KCNJ5: variants seen among roughly 807,000 people sequenced by gnomAD.
KCNJ5 encodes the protein potassium inwardly rectifying channel subfamily J member 5.
KCNJ5 carries 12 observed loss-of-function variants against 20.2 expected under a neutral mutation model. That is an observed-to-expected ratio of 0.59 (90% CI 0.38 to 0.96). KCNJ5 has a LOEUF of 0.96. Among genes scored for constraint, KCNJ5 ranks in the 40% least tolerant of loss-of-function variants. The pLI, the probability that KCNJ5 is intolerant of heterozygous loss-of-function variation, is 0.00. For synonymous variants in KCNJ5, 210 were observed against 213.9 expected (o/e 0.98, Z 0.16); for missense variants, 449 against 557.6 (o/e 0.81, Z 1.96).
Position 128,902,545 on chromosome 11 carries a change from A to G in KCNJ5, c.-10-8719A>G, listed in dbSNP as rs754456252. 6 of 1,590,204 alleles carry G rather than the reference A, an allele frequency of 3.8e-6. No homozygotes were observed. In the East Asian group the frequency reaches 1.1e-4, roughly 30 times the overall value. The stretch of plus-strand genomic sequence containing the variant: ...GGCTGGGGAGCACAGGGCTATTGGC[A>G]AGGAGACAGGGCTAGTTAGGACCAC... On this transcript the variant is annotated intron_variant, in intron 1 of 2. Coordinates refer to ENST00000529694, the MANE Select transcript of KCNJ5 (RefSeq NM_000890.5).
At position 128,916,663 on chromosome 11, in the gene KCNJ5, G is replaced by A. The variant is rs1305786495; in HGVS notation, c.1192G>A (p.Ala398Thr). The change falls in exon 3 of 3, where the codon GCT becomes ACT. Residue 398 changes from alanine to threonine, a missense_variant. Ala to Thr is a moderately conservative substitution (Grantham distance 58). This residue lies in a region of KCNJ5 where 64 missense variants were observed against 51.3 expected (regional missense o/e 1.25). Coordinates refer to ENST00000529694, the MANE Select transcript of KCNJ5 (RefSeq NM_000890.5). ...TGCTGAGGCAGGGCTGGATGCAGAG[G>A]CTGAGCAGAATGAAGAAGATGAGCC... Reference protein sequence around the residue: ...GCAEAGLDAEAEQNEEDEPKG... With the variant: ...GCAEAGLDAETEQNEEDEPKG... The A allele has an allele frequency of 1.9e-6, 3 of 1,612,642 alleles. No homozygotes were observed. The highest frequency in any genetic ancestry group is 2.5e-6 in the Non-Finnish European group (3 of 1,179,526).
intron 1 of KCNJ5, among the ~76,000 whole-genome samples, chr11:128,892,033 G>C (rs1944100280): frequency 6.6e-6 from 1 of 152,242 alleles, no homozygotes; most frequent in South Asian, 2.1e-4. Context: ...GTGGCCAGGA[G>C]TGGGTGGGGT....
chr11:128,906,740 A>G (rs1223702930), intron 1 of KCNJ5, among the ~76,000 whole-genome samples: 2 of 152,208 alleles, frequency 1.3e-5, no homozygotes, highest in Non-Finnish European at 2.9e-5. Flanking sequence ...TACTTCGGGA[A>G]AAGCCCAATC....
chr11:128,912,011 G>T lies in KCNJ5; in HGVS notation c.738G>T (p.Glu246Asp), dbSNP rs372736753. 1.2e-6 allele frequency: 2 copies of T among 1,610,826 alleles called. No homozygotes were observed. The highest frequency in any genetic ancestry group is 1.7e-6 in the Non-Finnish European group (2 of 1,177,400). Reference protein sequence around the residue: ...AKLIKSRQTKEGEFIPLNQTD... With the variant: ...AKLIKSRQTKDGEFIPLNQTD... ...TCATCAAGTCCCGGCAGACCAAAGA[G>T]GGGGAGTTCATCCCCCTGAACCAGA... is the stretch of plus-strand genomic sequence containing the variant. Residue 246 changes from glutamate (E) to aspartate (D), a missense_variant, in exon 2 of 3, where the codon GAG (glutamate) becomes GAT (aspartate). This residue lies in a region of KCNJ5 where 145 missense variants were observed against 166.2 expected (regional missense o/e 0.87). Transcript: ENST00000529694.
chr11:128,916,495 G>A lies in KCNJ5; in HGVS notation c.1024G>A (p.Gly342Ser). 6.2e-7 allele frequency: 1 copy of A among 1,614,160 alleles called. No homozygotes were observed. The highest frequency in any genetic ancestry group is 8.5e-7 in the Non-Finnish European group (1 of 1,180,020). Residue 342 changes from glycine (G) to serine (S), a missense_variant, in exon 3 of 3, where the codon GGC becomes AGC. By Grantham distance (56) the Gly-to-Ser change is moderately conservative. Transcript: ENST00000529694. ...RFTPVLTLEK[G>S]FYEVDYNTFH... Reference sequence around the variant, plus strand: ...CACACCAGTCCTCACCTTGGAAAAGGGCTTCTATGAGGTGGACTACAACAC... The same window carrying A: ...CACACCAGTCCTCACCTTGGAAAAGAGCTTCTATGAGGTGGACTACAACAC...
intron 2 of KCNJ5, 121 bp downstream of exon 2, chr11:128,912,331 T>C: frequency 2.5e-6 from 2 of 796,264 alleles, no homozygotes; most frequent in Non-Finnish European, 4.4e-6. Context: ...AGGCAACACA[T>C]TCAATCCCTA....
chr11:128,912,236 A>T, intron 2 of KCNJ5, 26 bp downstream of exon 2: 1 of 1,570,936 alleles, frequency 6.4e-7, no homozygotes, highest in Admixed American at 1.7e-5. Context: ...CTCCTCAGCC[A>T]CAGGTGGCCC....
chr11:128,901,727 C>A (rs1389967130), intron 1 of KCNJ5: 10 of 152,438 alleles, frequency 6.6e-5, no homozygotes, highest in African/African-American at 2.4e-4. Flanking sequence ...ACAGGATGTA[C>A]TGAGAAGGGG....
intron 1 of KCNJ5, among the ~76,000 whole-genome samples, chr11:128,906,505 T>C (rs374322932): frequency 3.5e-4 from 53 of 152,238 alleles, no homozygotes; most frequent in African/African-American, 1.2e-3. Context: ...AGGCCAGCAT[T>C]CTCATGTGGA....
At chr11:128,893,848 A>G (rs1202111087) in intron 1 of KCNJ5, among the ~76,000 whole-genome samples, 1 of 152,164 alleles carries the variant, frequency 6.6e-6, no homozygotes, top group East Asian at 1.9e-4. Context: ...TGAGCAGTGC[A>G]GAGCTCTTTG....
At chr11:128,901,523 G>T (rs576817965) in intron 1 of KCNJ5, 1 of 152,270 alleles carries the variant, frequency 6.6e-6, no homozygotes, top group Non-Finnish European at 1.5e-5. Context: ...TGGAGAATGC[G>T]GCACAGACAG....
At position 128,916,885 on chromosome 11, in the gene KCNJ5, A is replaced by C. The variant is rs1944592756; in HGVS notation, c.*154A>C. ...GAGGAACCATAAACCCAGCCCTCACAGCTCCCAGCACAGGGCCTCCCTGAG... is the reference window on the plus strand; with the variant it reads ...GAGGAACCATAAACCCAGCCCTCACCGCTCCCAGCACAGGGCCTCCCTGAG... On this transcript the variant is annotated 3_prime_UTR_variant, in exon 3 of 3. Coordinates refer to ENST00000529694, the MANE Select transcript of KCNJ5 (RefSeq NM_000890.5). 1.5e-6 allele frequency: 1 copy of C among 645,404 alleles called. No homozygotes were observed. The highest frequency in any genetic ancestry group is 2.8e-5 in the East Asian group (1 of 36,316). 40.0% of individuals were successfully genotyped at this position (645,404 alleles called of 1,614,324 possible). A position where few individuals can be genotyped will look rare whatever the true frequency, so the allele number is the denominator to read the frequency against.
intron 2 of KCNJ5, among the ~76,000 whole-genome samples, 177 bp downstream of exon 2, chr11:128,912,387 A>G (rs1005307839): frequency 1.3e-5 from 2 of 152,242 alleles, no homozygotes; most frequent in Non-Finnish European, 2.9e-5. Context: ...AGTAATAGCA[A>G]TAGCTAACAC....
chr11:128,912,308 C>T (rs901199996), intron 2 of KCNJ5, 98 bp downstream of exon 2: 3 of 983,674 alleles, frequency 3.0e-6, no homozygotes, highest in Non-Finnish European at 1.6e-6. Context: ...GCCTGAGAGT[C>T]CTGGGGTGGC....
intron 1 of KCNJ5, among the ~76,000 whole-genome samples, chr11:128,895,856 C>G (rs995582843): frequency 4.6e-5 from 7 of 152,204 alleles, no homozygotes; most frequent in African/African-American, 1.7e-4. Context: ...GCTTGAGAAA[C>G]AGGTTTGCTG....
chr11:128,916,470 C>T lies in KCNJ5; in HGVS notation c.999C>T (p.Phe333=). ...MDTEVLWGHR[F]TPVLTLEKGF... Reference sequence around the variant, plus strand: ...CAGAGGTGCTCTGGGGCCACCGATTCACACCAGTCCTCACCTTGGAAAAGG... The same window carrying T: ...CAGAGGTGCTCTGGGGCCACCGATTTACACCAGTCCTCACCTTGGAAAAGG... Residue 333 remains phenylalanine (F), a synonymous_variant, in exon 3 of 3, where the codon TTC becomes TTT. Transcript: ENST00000529694. 3 of 1,614,220 alleles carry T rather than the reference C, an allele frequency of 1.9e-6. No homozygotes were observed. The highest frequency in any genetic ancestry group is 2.5e-6 in the Non-Finnish European group (3 of 1,180,020).
chr11:128,896,392 CAGG>C (rs2135982879), intron 1 of KCNJ5, among the ~76,000 whole-genome samples: 1 of 152,268 alleles, frequency 6.6e-6, no homozygotes, highest in African/African-American at 2.4e-5. Flanking sequence ...TTTCCATCAC[CAGG>C]AGGACCTCTT....
At chr11:128,901,637 C>T (rs920859798) in intron 1 of KCNJ5, 4 of 152,310 alleles carry the variant, frequency 2.6e-5, no homozygotes, top group African/African-American at 9.6e-5. Flanking sequence ...TCCTCGTCAA[C>T]ACCCTGACTG....
In KCNJ5 at chr11:128,891,433, CACACACACAGAGAGAG is replaced by C. The variant is rs1487064551; in HGVS notation, c.-297_-282del. ...ACACACACACACACACACACACACA[CACACACACAGAGAGAG>C]AGAGAGAGAGAGAGAGAGAGAGAGA... On this transcript the variant is annotated 5_prime_UTR_variant, in exon 1 of 3. Coordinates refer to ENST00000529694, the MANE Select transcript of KCNJ5 (RefSeq NM_000890.5). The C allele has an allele frequency of 1.2e-4, 11 of 88,396 alleles. No homozygotes were observed. The highest frequency in any genetic ancestry group is 5.4e-4 in the African/African-American group (11 of 20,480). 5.5% of individuals were successfully genotyped at this position (88,396 alleles called of 1,614,324 possible).
Sources: gnomAD v4.1 joint callset for allele counts (sites outside exome capture counted in the v4.1 genomes callset) on GRCh38, gnomAD v4.1.1 for gene constraint, gnomAD v4.1.1 regional missense constraint, MANE v1.5 for transcripts, NCBI Gene and HGNC (gene_info 2026-07-23, HGNC 2026-07-21) for gene names.